Variants in COL24A1 observed in about 807,000 individuals in gnomAD.
COL24A1 encodes collagen type XXIV alpha 1 chain.
A neutral mutation model predicts 253.9 loss-of-function variants in COL24A1; 224 were observed. The ratio of observed to expected loss-of-function variants is 0.88; its 90% CI spans 0.79 to 0.99. The LOEUF is 0.99. Ranked by LOEUF, COL24A1 falls within the 50% of genes least tolerant of loss-of-function variation. The pLI, the probability that COL24A1 is intolerant of heterozygous loss-of-function variation, is 0.00. For synonymous variants in COL24A1, 685 were observed against 673.7 expected, an observed-to-expected ratio of 1.02 and a Z score of -0.26; for missense variants, 2,131 against 2,068.5, an observed-to-expected ratio of 1.03 and a Z score of -0.59.
intron 5 of COL24A1, among the ~76,000 whole-genome samples, chr1:86,107,483 T>C (rs957804149): frequency 6.6e-6 from 1 of 152,056 alleles, no homozygotes; most frequent in Non-Finnish European, 1.5e-5. Flanking sequence ...ACAAGCTTTA[T>C]ATGATACATT....
At chr1:85,781,938 C>A (rs913591205) in intron 51 of COL24A1, among the ~76,000 whole-genome samples, 2 of 152,172 alleles carry the variant, frequency 1.3e-5, no homozygotes, top group African/African-American at 4.8e-5. Flanking sequence ...ACAAAATGCC[C>A]ATTTTAGTTT....
intron 19 of COL24A1, among the ~76,000 whole-genome samples, chr1:85,999,492 G>A (rs1221968943): frequency 1.3e-5 from 2 of 151,972 alleles, no homozygotes; most frequent in Non-Finnish European, 2.9e-5. Context: ...GTGTGGTAGT[G>A]CATGCCTGTG....
At chr1:85,804,303 T>C (rs1323923877) in intron 47 of COL24A1, among the ~76,000 whole-genome samples, 3 of 152,098 alleles carry the variant, frequency 2.0e-5, no homozygotes, top group Admixed American at 6.6e-5. Context: ...AACAAATCAA[T>C]AGATTTAAAT....
rs780067672 is a variant in COL24A1 at position 85,985,273 on chromosome 1, CAAA to C, written c.2364+2325_2364+2327del. Among the ~76,000 whole-genome samples, 4 of 151,460 alleles carry C rather than the reference CAAA, an allele frequency of 2.6e-5. No individual in the cohort carries two copies. The East Asian group carries it at 7.7e-4, about 29-fold the overall frequency. On this transcript the variant is annotated intron_variant, in intron 20 of 59. Coordinates refer to ENST00000370571, the MANE Select transcript of COL24A1 (RefSeq NM_152890.7). Reference sequence around the variant, plus strand: ...GGGCATAGGAACATATATATCCAGACAAAAAATATGGCATGTAAGAAGCTGTGA... The same window carrying C: ...GGGCATAGGAACATATATATCCAGACAAATATGGCATGTAAGAAGCTGTGA...
chr1:85,876,755 T>C lies in COL24A1; in HGVS notation c.3030+367A>G, dbSNP rs139702765. On this transcript the variant is annotated intron_variant, in intron 33 of 59. Transcript: ENST00000370571. ...TGGAAATAAAATAATTGGATATTTA[T>C]AACAAATTTGGCTTATAATTCCAAA... is the stretch of plus-strand genomic sequence containing the variant. 3.9e-3 allele frequency among the ~76,000 whole-genome samples: 593 copies of C among 152,312 alleles called. 5 individuals carry two copies. The highest frequency in any genetic ancestry group is 0.014 in the African/African-American group (566 of 41,572).
rs563777558 is a variant in COL24A1 at position 85,883,722 on chromosome 1, T to C, written c.2976+5838A>G. 5.9e-5 allele frequency: 9 copies of C among 152,298 alleles called. No homozygotes were observed. In the East Asian group the frequency reaches 1.7e-3, roughly 29 times the overall value. The allele number at this position is 152,298 out of a possible 1,614,324, so 9.4% of individuals were successfully genotyped here. On this transcript the variant is annotated intron_variant, in intron 32 of 59. Coordinates refer to ENST00000370571, the MANE Select transcript of COL24A1 (RefSeq NM_152890.7). ...ATTCCTAGGCCATCTCCAATCCCTG[T>C]ACTAACCAGTCCTGACCCTGTTTAG...
intron 5 of COL24A1, among the ~76,000 whole-genome samples, chr1:86,104,053 C>G (rs1704713467): frequency 2.0e-5 from 3 of 152,126 alleles, no homozygotes; most frequent in Admixed American, 1.3e-4. Flanking sequence ...TTACATGATC[C>G]CCTATTTCTC....
chr1:86,033,607 C>T (rs992584580), intron 13 of COL24A1, among the ~76,000 whole-genome samples: 1 of 152,028 alleles, frequency 6.6e-6, no homozygotes, highest in African/African-American at 2.4e-5. Flanking sequence ...ATTGTGATCA[C>T]ATATTTTTAA....
chr1:86,033,186 T>C (rs1698722302), intron 13 of COL24A1, among the ~76,000 whole-genome samples: 1 of 152,142 alleles, frequency 6.6e-6, no homozygotes, highest in Non-Finnish European at 1.5e-5. Context: ...AAACTCTTCA[T>C]GCTAGTGATT....
chr1:85,786,590 G>C, intron 47 of COL24A1, 129 bp from the exon 48 acceptor site: 1 of 560,442 alleles, frequency 1.8e-6, no homozygotes, highest in East Asian at 3.0e-5. Flanking sequence ...AGTTATCCTG[G>C]GCTTCTTTCC....
At chr1:86,005,802 C>T (rs1451359224) in intron 19 of COL24A1, among the ~76,000 whole-genome samples, 1 of 151,938 alleles carries the variant, frequency 6.6e-6, no homozygotes, top group Admixed American at 6.5e-5. Context: ...ACATGATTGG[C>T]TATGCAGAAA....
At position 86,092,273 on chromosome 1, in the gene COL24A1, T is replaced by C. The variant is rs766633747; in HGVS notation, c.1647A>G (p.Gly549=). The change falls in exon 6 of 60, where the codon GGA becomes GGG. Residue 549 remains glycine, a synonymous_variant. Coordinates refer to ENST00000370571, the MANE Select transcript of COL24A1 (RefSeq NM_152890.7). ...PGFSPGQPVP[G]EKGDQGLSGL... The stretch of plus-strand genomic sequence containing the variant: ...TTCATGGTCAAATAATTACCTTTTC[T>C]CCAGGAACAGGTTGACCTGGGGAAA... 8 of 1,598,902 alleles carry C rather than the reference T, an allele frequency of 5.0e-6. No individual in the cohort carries two copies. The highest frequency in any genetic ancestry group is 1.1e-5 in the South Asian group (1 of 89,910).
chr1:85,838,839 T>A (rs1024612526), intron 42 of COL24A1, among the ~76,000 whole-genome samples: 15 of 152,220 alleles, frequency 9.9e-5, no homozygotes, highest in Non-Finnish European at 1.9e-4. Context: ...AACCAGTGAA[T>A]TATATAAAGA....
chr1:85,879,977 T>C (rs1210379211), intron 32 of COL24A1, among the ~76,000 whole-genome samples: 1 of 152,218 alleles, frequency 6.6e-6, no homozygotes, highest in Non-Finnish European at 1.5e-5. Flanking sequence ...TTCTCCAAGT[T>C]TGTTCTTCAA....
intron 12 of COL24A1, among the ~76,000 whole-genome samples, chr1:86,036,987 G>T (rs1003211192): frequency 6.6e-6 from 1 of 152,066 alleles, no homozygotes; most frequent in African/African-American, 2.4e-5. Flanking sequence ...TGTTCAATTT[G>T]CCAGTTTCAC....
intron 31 of COL24A1, among the ~76,000 whole-genome samples, chr1:85,890,212 T>C (rs2102744332): frequency 6.6e-6 from 1 of 152,300 alleles, no homozygotes; most frequent in South Asian, 2.1e-4. Context: ...AACATGGGTA[T>C]GCGAGTATCT....
At chr1:86,075,828 C>A (rs1702207392) in intron 7 of COL24A1, among the ~76,000 whole-genome samples, 1 of 151,908 alleles carries the variant, frequency 6.6e-6, no homozygotes, top group Admixed American at 6.6e-5. Flanking sequence ...AAAAAGCCTT[C>A]AATAAAATTC....
chr1:85,969,604 C>CAAAAAAAAAAA (rs61128567), intron 22 of COL24A1, among the ~76,000 whole-genome samples: 2 of 27,476 alleles, frequency 7.3e-5, no homozygotes, highest in East Asian at 1.8e-3. Context: ...GACTCTGTCT[C>CAAAAAAAAAAA]AAAAAAAAAA....
In COL24A1 at chr1:86,092,238, A is replaced by C. The variant is rs773668310; in HGVS notation, c.1653+29T>G. 8 of 1,517,582 alleles carry C rather than the reference A, an allele frequency of 5.3e-6. No individual in the cohort carries two copies. In the Admixed American group the frequency reaches 9.0e-5, roughly 17 times the overall value. The allele number at this position is 1,517,582 out of a possible 1,614,324, so 94.0% of individuals were successfully genotyped here. On this transcript the variant is annotated intron_variant, in intron 6 of 59. Transcript: ENST00000370571. ...TTTAAAATGCTTGAAATATATTACCATAATTTCATTTCATGGTCAAATAAT... is the reference window on the plus strand; with the variant it reads ...TTTAAAATGCTTGAAATATATTACCCTAATTTCATTTCATGGTCAAATAAT...
Sources: gnomAD v4.1 joint callset for allele counts (sites outside exome capture counted in the v4.1 genomes callset) on GRCh38, gnomAD v4.1.1 for gene constraint, MANE v1.5 for transcripts, NCBI Gene and HGNC (gene_info 2026-07-23, HGNC 2026-07-21) for gene names.